SLIT3: variants seen among roughly 807,000 people sequenced by gnomAD.
The protein encoded by SLIT3 is slit guidance ligand 3, also known as slit homolog 3 protein.
Under a neutral mutation model 184.0 loss-of-function variants are expected in SLIT3, and 68 were observed. That is an observed-to-expected ratio of 0.37 (90% confidence interval 0.30 to 0.45). The LOEUF (loss-of-function observed/expected upper bound fraction) is 0.45, where lower values mean the gene tolerates loss of function less well. Ranked by LOEUF, SLIT3 falls within the 20% of genes least tolerant of loss-of-function variation. The pLI is 1.00. For synonymous variants in SLIT3, 831 were observed against 828.6 expected (o/e 1.00, Z -0.05); for missense variants, 1,707 against 2,026.0 (o/e 0.84, Z 3.02).
At chr5:169,181,553 A>T (rs1447853145) in intron 4 of SLIT3, among the ~76,000 whole-genome samples, 2 of 152,090 alleles carry the variant, frequency 1.3e-5, no homozygotes, top group African/African-American at 4.8e-5. Flanking sequence ...CATCCTGGCC[A>T]ACATGGTGAA....
intron 4 of SLIT3, among the ~76,000 whole-genome samples, chr5:168,932,660 A>T (rs1426486901): frequency 1.3e-5 from 2 of 152,146 alleles, no homozygotes; most frequent in African/African-American, 2.4e-5. Flanking sequence ...CTGCGGTCAG[A>T]TCCCAGCAAC....
chr5:168,710,740 G>C (rs1279042971), intron 25 of SLIT3, among the ~76,000 whole-genome samples, 155 bp downstream of exon 25: 1 of 152,246 alleles, frequency 6.6e-6, no homozygotes, highest in African/African-American at 2.4e-5. Context: ...GTTCACATCA[G>C]CGTCAGCATC....
chr5:168,909,663 C>T (rs1362925214), intron 4 of SLIT3, among the ~76,000 whole-genome samples: 8 of 152,066 alleles, frequency 5.3e-5, no homozygotes, highest in African/African-American at 1.9e-4. Flanking sequence ...GAGAATAGAG[C>T]CTGAAGATTT....
At chr5:168,683,879 T>C in intron 32 of SLIT3, 87 bp downstream of exon 32, 1 of 1,285,268 alleles carries the variant, frequency 7.8e-7, no homozygotes, top group Non-Finnish European at 1.0e-6. Flanking sequence ...ACCCGAGTTC[T>C]CCTGAATCCC....
At chr5:168,921,967 C>G (rs1392457265) in intron 4 of SLIT3, among the ~76,000 whole-genome samples, 1 of 152,090 alleles carries the variant, frequency 6.6e-6, no homozygotes, top group African/African-American at 2.4e-5. Context: ...TTATGGAACA[C>G]CTGCCATATC....
chr5:169,230,391 A>G (rs568986728), intron 3 of SLIT3, among the ~76,000 whole-genome samples: 1 of 152,362 alleles, frequency 6.6e-6, no homozygotes, highest in East Asian at 1.9e-4. Context: ...CATAACGCAC[A>G]TAACAGAAGC....
chr5:169,247,319 G>A (rs1050583927), intron 2 of SLIT3, among the ~76,000 whole-genome samples: 6 of 152,154 alleles, frequency 3.9e-5, no homozygotes, highest in South Asian at 2.1e-4. Flanking sequence ...AGCACGTCAC[G>A]CTAAATAGGG....
At chr5:168,854,444 T>C (rs906390550) in intron 5 of SLIT3, among the ~76,000 whole-genome samples, 1 of 152,162 alleles carries the variant, frequency 6.6e-6, no homozygotes, top group African/African-American at 2.4e-5. Flanking sequence ...ATTTGACTTT[T>C]AGGATCACTG....
intron 3 of SLIT3, among the ~76,000 whole-genome samples, chr5:169,210,581 T>C (rs531248213): frequency 6.6e-6 from 1 of 152,176 alleles, no homozygotes; most frequent in South Asian, 2.1e-4. Flanking sequence ...AGAAAGTCAG[T>C]TAGTAGGAAG....
At chr5:168,834,466 C>A (rs896169711) in intron 6 of SLIT3, among the ~76,000 whole-genome samples, 5 of 151,530 alleles carry the variant, frequency 3.3e-5, no homozygotes, top group African/African-American at 1.2e-4. Flanking sequence ...CAGAGGCGGG[C>A]GGATCACTCG....
intron 4 of SLIT3, among the ~76,000 whole-genome samples, chr5:169,066,437 A>G (rs1273947130): frequency 6.6e-6 from 1 of 152,238 alleles, no homozygotes; most frequent in Non-Finnish European, 1.5e-5. Flanking sequence ...TATGCATGAA[A>G]AAACGCTCAA....
intron 28 of SLIT3, among the ~76,000 whole-genome samples, chr5:168,693,926 G>A (rs1048897338): frequency 7.2e-5 from 11 of 152,212 alleles, no homozygotes; most frequent in Non-Finnish European, 1.5e-4. Flanking sequence ...GACACCCAGA[G>A]AAGCAGACAA....
intron 4 of SLIT3, among the ~76,000 whole-genome samples, chr5:169,004,824 G>A (rs1198716903): frequency 6.6e-6 from 1 of 152,176 alleles, no homozygotes; most frequent in Non-Finnish European, 1.5e-5. Flanking sequence ...TGACGATACA[G>A]CTAGAAGGCA....
At position 168,673,196 on chromosome 5, in the gene SLIT3, G is replaced by A. The variant is rs1761305990; in HGVS notation, c.3822C>T (p.Asn1274=). 1.2e-6 allele frequency: 2 copies of A among 1,613,976 alleles called. No individual in the cohort carries two copies. The highest frequency in any genetic ancestry group is 1.7e-6 in the Non-Finnish European group (2 of 1,179,946). Reference sequence around the variant, plus strand: ...CATTACCTCCAAGGTAGAGGGGGCTGTTGATGCCCACTGCTGGCTGCTTCT... The same window carrying A: ...CATTACCTCCAAGGTAGAGGGGGCTATTGATGCCCACTGCTGGCTGCTTCT... ...KLQKQPAVGI[N]SPLYLGGIPT... is the part of the protein sequence containing the mutation. The change falls in exon 33 of 36, where the codon AAC becomes AAT. Residue 1274 remains asparagine (N), a synonymous_variant. Transcript: ENST00000519560.
intron 4 of SLIT3, among the ~76,000 whole-genome samples, chr5:169,180,680 C>T (rs931996475): frequency 1.3e-5 from 2 of 152,140 alleles, no homozygotes; most frequent in African/African-American, 4.8e-5. Context: ...CAGAATATTC[C>T]CTGAGCAACT....
chr5:168,765,051 A>G (rs1292518767), intron 14 of SLIT3, among the ~76,000 whole-genome samples: 1 of 152,148 alleles, frequency 6.6e-6, no homozygotes, highest in Non-Finnish European at 1.5e-5. Flanking sequence ...TTCCTTCACA[A>G]TGTGTCTATA....
chr5:168,833,699 A>G (rs915587821), intron 6 of SLIT3, among the ~76,000 whole-genome samples: 2 of 152,222 alleles, frequency 1.3e-5, no homozygotes, highest in East Asian at 1.9e-4. Flanking sequence ...GTCTGCTAAT[A>G]TAGGGGCAAG....
intron 4 of SLIT3, among the ~76,000 whole-genome samples, chr5:168,958,822 T>A (rs931611113): frequency 6.6e-6 from 1 of 152,252 alleles, no homozygotes; most frequent in African/African-American, 2.4e-5. Flanking sequence ...AACTCCATCC[T>A]TCTCCCTCCC....
In SLIT3 at chr5:168,669,871, C is replaced by T; in HGVS notation, c.4248G>A (p.Lys1416=). 6.2e-7 allele frequency: 1 copy of T among 1,614,226 alleles called. No homozygotes were observed. The highest frequency in any genetic ancestry group is 8.5e-7 in the Non-Finnish European group (1 of 1,180,044). The change falls in exon 35 of 36, where the codon AAG becomes AAA. Residue 1416 remains lysine, a synonymous_variant. Coordinates refer to ENST00000519560, the MANE Select transcript of SLIT3 (RefSeq NM_003062.4). Reference sequence around the variant, plus strand: ...AGATGTGGCACTGCCCATGGTGACACTTGAAGGCTGAGCAGGCATTGGCAG... The same window carrying T: ...AGATGTGGCACTGCCCATGGTGACATTTGAAGGCTGAGCAGGCATTGGCAG... ...NDSANACSAF[K]CHHGQCHISD...
Sources: allele counts gnomAD v4.1 joint callset (sites outside exome capture counted in the v4.1 genomes callset), GRCh38; gene constraint gnomAD v4.1.1; transcripts MANE v1.5; gene names NCBI Gene and HGNC (gene_info 2026-07-23, HGNC 2026-07-21).